Variants in KIAA1217 observed in about 807,000 individuals in gnomAD.
KIAA1217 encodes the protein KIAA1217.
Under a neutral mutation model 163.9 loss-of-function variants are expected in KIAA1217, and 88 were observed. That is an observed-to-expected ratio of 0.54 (90% CI 0.45 to 0.64). The LOEUF is 0.64. Among genes scored for constraint, KIAA1217 ranks in the 30% least tolerant of loss-of-function variants. The pLI is 0.00. For synonymous variants in KIAA1217, 903 were observed against 923.1 expected, an observed-to-expected ratio of 0.98 and a Z score of 0.39; for missense variants, 2,372 against 2,475.0, an observed-to-expected ratio of 0.96 and a Z score of 0.88.
At chr10:24,479,307 G>A (rs2064378119) in intron 6 of KIAA1217, among the ~76,000 whole-genome samples, 1 of 151,792 alleles carries the variant, frequency 6.6e-6, no homozygotes, top group South Asian at 2.1e-4. Flanking sequence ...TCAAATGAAA[G>A]TCTAAATTCA....
chr10:24,158,728 C>G, intron 2 of KIAA1217: 1 of 501,060 alleles, frequency 2.0e-6, no homozygotes, highest in African/African-American at 2.0e-5. Context: ...TAGTGATTAT[C>G]AGGTTATTTC....
At chr10:24,516,776 A>T (rs2070245699) in intron 10 of KIAA1217, among the ~76,000 whole-genome samples, 1 of 152,232 alleles carries the variant, frequency 6.6e-6, no homozygotes, top group South Asian at 2.1e-4. Context: ...ACATAGTAGA[A>T]GTAAGAAAGA....
intron 1 of KIAA1217, among the ~76,000 whole-genome samples, chr10:23,868,863 G>C (rs1364359105): frequency 6.6e-6 from 1 of 152,088 alleles, no homozygotes; most frequent in African/African-American, 2.4e-5. Flanking sequence ...ATTTGAAAAA[G>C]TATCTTGTCT....
intron 5 of KIAA1217, among the ~76,000 whole-genome samples, chr10:24,466,269 T>A (rs1268556558): frequency 6.6e-6 from 1 of 152,180 alleles, no homozygotes; most frequent in Non-Finnish European, 1.5e-5. Flanking sequence ...GACAGTTTCA[T>A]TTCTCGGTGG....
Position 24,380,745 on chromosome 10 carries a change from C to G in KIAA1217, c.355-124C>G, listed in dbSNP as rs561301696. 4 of 634,380 alleles carry G rather than the reference C, an allele frequency of 6.3e-6. No individual in the cohort carries two copies. In the Admixed American group the frequency reaches 1.5e-4, roughly 24 times the overall value. 39.3% of individuals were successfully genotyped at this position (634,380 alleles called of 1,614,324 possible). A position where few individuals can be genotyped will look rare whatever the true frequency, so the allele number is the denominator to read the frequency against. ...GGTCTTTAGTTTTCCCTATCTAACCCTTGTGATGGACTGTTACCCCTTGCC... is the reference window on the plus strand; with the variant it reads ...GGTCTTTAGTTTTCCCTATCTAACCGTTGTGATGGACTGTTACCCCTTGCC... On this transcript the variant is annotated intron_variant, in intron 2 of 20. Transcript: ENST00000376454.
chr10:23,809,508 A>T (rs751189993), intron 1 of KIAA1217, among the ~76,000 whole-genome samples: 2 of 152,056 alleles, frequency 1.3e-5, no homozygotes, highest in African/African-American at 2.4e-5. Context: ...GTAAGAAGAA[A>T]AAAAGGAAAA....
chr10:24,395,477 G>A (rs1372380064), intron 3 of KIAA1217, among the ~76,000 whole-genome samples: 2 of 152,218 alleles, frequency 1.3e-5, no homozygotes, highest in African/African-American at 4.8e-5. Flanking sequence ...TTAGCAACCA[G>A]ATGTTGATAT....
chr10:23,912,069 G>A (rs75936282), intron 1 of KIAA1217, among the ~76,000 whole-genome samples: 2,639 of 152,160 alleles, frequency 0.017, 46 homozygotes, highest in Admixed American at 0.052. Context: ...CCTGGATGCT[G>A]TTATCCAATA....
At chr10:24,259,006 G>A (rs867312097) in intron 2 of KIAA1217, among the ~76,000 whole-genome samples, 14 of 152,142 alleles carry the variant, frequency 9.2e-5, no homozygotes, top group African/African-American at 1.7e-4. Context: ...GGGGCAGCCC[G>A]TGGAAGACGA....
chr10:23,760,968 T>G (rs1426968720), intron 1 of KIAA1217, among the ~76,000 whole-genome samples: 1 of 152,114 alleles, frequency 6.6e-6, no homozygotes, highest in African/African-American at 2.4e-5. Context: ...AATTGGACAA[T>G]AGCTGGGCAT....
chr10:24,391,994 A>G (rs2055050882), intron 3 of KIAA1217, among the ~76,000 whole-genome samples: 1 of 152,226 alleles, frequency 6.6e-6, no homozygotes, highest in Non-Finnish European at 1.5e-5. Flanking sequence ...AGTTTTATCT[A>G]TGATTTATAC....
intron 2 of KIAA1217, among the ~76,000 whole-genome samples, chr10:24,177,861 T>C (rs1390988668): frequency 6.6e-6 from 1 of 152,122 alleles, no homozygotes; most frequent in African/African-American, 2.4e-5. Context: ...AGTGATACCA[T>C]ATGTTGGTTG....
At chr10:24,222,869 G>C (rs1223700599) in intron 2 of KIAA1217, among the ~76,000 whole-genome samples, 1 of 152,206 alleles carries the variant, frequency 6.6e-6, no homozygotes, top group African/African-American at 2.4e-5. Context: ...GAGCAGCCCT[G>C]AGGGCTGCTG....
intron 1 of KIAA1217, among the ~76,000 whole-genome samples, chr10:23,891,718 G>A (rs904534803): frequency 6.6e-6 from 1 of 151,748 alleles, no homozygotes; most frequent in East Asian, 1.9e-4. Context: ...AATTTTCTCT[G>A]ATTCATTATG....
At chr10:24,340,683 G>T (rs1174317727) in intron 2 of KIAA1217, among the ~76,000 whole-genome samples, 3 of 152,174 alleles carry the variant, frequency 2.0e-5, no homozygotes, top group Non-Finnish European at 4.4e-5. Context: ...GGCACAAGCA[G>T]AGCAATTCAT....
chr10:24,220,013 CT>C, intron 2 of KIAA1217, 104 bp downstream of exon 2: 34 of 1,181,300 alleles, frequency 2.9e-5, no homozygotes, highest in Non-Finnish European at 3.8e-5. Flanking sequence ...GCTTAGTGGA[CT>C]GTGCATACTA....
chr10:24,214,865 G>A (rs1170315475), intron 1 of KIAA1217, among the ~76,000 whole-genome samples: 1 of 152,218 alleles, frequency 6.6e-6, no homozygotes, highest in Non-Finnish European at 1.5e-5. Flanking sequence ...CACTGTTGCT[G>A]GCTCTGGAGC....
rs781526992 is a variant in KIAA1217 at position 24,544,057 on chromosome 10, GGAA to G, written c.4793_4795del (p.Lys1598del). On this transcript the variant is annotated inframe_deletion, in exon 19 of 21. Transcript: ENST00000376454. ...GCCATTCGCACCGGAACTAAAACAG[GGAA>G]GAAGACTTTGCAAGTGGTAGTCTAT... 3 of 1,613,988 alleles carry G rather than the reference GGAA, an allele frequency of 1.9e-6. No homozygotes were observed. Among genetic ancestry groups the G allele is most frequent in the African/African-American group, 2.7e-5 (2 of 74,914 alleles).
At chr10:24,478,616 A>T (rs2064298694) in intron 6 of KIAA1217, among the ~76,000 whole-genome samples, 1 of 152,176 alleles carries the variant, frequency 6.6e-6, no homozygotes, top group East Asian at 1.9e-4. Context: ...ACTTCCATTC[A>T]GCTAGGACTC....
Sources: allele counts gnomAD v4.1 joint callset (sites outside exome capture counted in the v4.1 genomes callset), GRCh38; gene constraint gnomAD v4.1.1; transcripts MANE v1.5; gene names NCBI Gene and HGNC (gene_info 2026-07-23, HGNC 2026-07-21).